The following RAB31 variants were observed in gnomAD, a reference collection of about 807,000 sequenced individuals.
RAB31 encodes RAB31, member RAS oncogene family.
RAB31 carries 21 observed loss-of-function variants against 25.6 expected under a neutral mutation model. That is an observed-to-expected ratio of 0.82 (90% confidence interval 0.58 to 1.18). RAB31 has a LOEUF of 1.18. RAB31 is among the 50% of genes most tolerant of loss of function. The probability of loss-of-function intolerance (pLI) is 0.00; values close to 1 mark genes in which losing one functional copy is unlikely to be tolerated. For missense variants in RAB31, 196 were observed against 250.1 expected, an observed-to-expected ratio of 0.78 and a Z score of 1.46; for synonymous variants, 87 against 84.0, an observed-to-expected ratio of 1.04 and a Z score of -0.20.
intron 3 of RAB31, among the ~76,000 whole-genome samples, chr18:9,804,946 A>T (rs2068532503): frequency 6.6e-6 from 1 of 151,934 alleles, no homozygotes; most frequent in South Asian, 2.1e-4. Context: ...ACACAGATAG[A>T]CTCCCTTAGA....
At chr18:9,804,621 A>G (rs1319657058) in intron 3 of RAB31, among the ~76,000 whole-genome samples, 2 of 152,212 alleles carry the variant, frequency 1.3e-5, no homozygotes, top group Non-Finnish European at 2.9e-5. Context: ...ATACAGTAGA[A>G]AAGCCCTATA....
chr18:9,709,022 G>A (rs1035697974), intron 1 of RAB31, among the ~76,000 whole-genome samples: 4 of 152,226 alleles, frequency 2.6e-5, no homozygotes, highest in African/African-American at 9.6e-5. Flanking sequence ...GAAAGCCGAG[G>A]GCGCGGCCGG....
rs148471961 is a variant in RAB31 at position 9,732,218 on chromosome 18, A to G, written c.39+23774A>G. Among the ~76,000 whole-genome samples, 321 of 152,300 alleles carry G rather than the reference A, an allele frequency of 2.1e-3. 5 individuals carry two copies. Among genetic ancestry groups the G allele is most frequent in the African/African-American group, 7.4e-3 (309 of 41,580 alleles). The stretch of plus-strand genomic sequence containing the variant: ...TGCAGGTACCAGACCATCTTCGTCC[A>G]GGGGGACGTGGAGTCACACGCATGC... On this transcript the variant is annotated intron_variant, in intron 1 of 6. Transcript: ENST00000578921.
intron 2 of RAB31, among the ~76,000 whole-genome samples, chr18:9,790,575 TCCAGC>T: frequency 6.6e-6 from 1 of 152,258 alleles, no homozygotes; most frequent in East Asian, 1.9e-4. Context: ...TAATCTGGGA[TCCAGC>T]CAAGGTTCAT....
chr18:9,743,965 G>A (rs1392544707), intron 1 of RAB31, among the ~76,000 whole-genome samples: 1 of 152,190 alleles, frequency 6.6e-6, no homozygotes, highest in African/African-American at 2.4e-5. Flanking sequence ...TCCTCTATAT[G>A]ACCCTGTAGG....
intron 5 of RAB31, among the ~76,000 whole-genome samples, chr18:9,837,282 T>A (rs147213262): frequency 6.6e-6 from 1 of 152,154 alleles, no homozygotes; most frequent in Non-Finnish European, 1.5e-5. Flanking sequence ...CAGTAAATAG[T>A]GGTGGAATAA....
At chr18:9,818,347 G>A (rs1351235266) in intron 5 of RAB31, among the ~76,000 whole-genome samples, 2 of 152,134 alleles carry the variant, frequency 1.3e-5, no homozygotes, top group African/African-American at 2.4e-5. Flanking sequence ...TGTGAAGAAC[G>A]TCATGCCCAT....
Position 9,815,178 on chromosome 18 carries a change from T to C in RAB31, c.336T>C (p.Ile112=). 1 of 1,557,696 alleles carries C rather than the reference T, an allele frequency of 6.4e-7. No homozygotes were observed. The highest frequency in any genetic ancestry group is 1.2e-5 in the South Asian group (1 of 84,384). ...KELKEHGPEN[I]VMAIAGNKCD... ...TGAAAGAACATGGTCCAGAAAACATTGTAATGGCCATCGCTGGAAACAAGT... is the reference window on the plus strand; with the variant it reads ...TGAAAGAACATGGTCCAGAAAACATCGTAATGGCCATCGCTGGAAACAAGT... The change falls in exon 5 of 7, where the codon ATT becomes ATC. Residue 112 remains isoleucine, a synonymous_variant. Coordinates refer to ENST00000578921, the MANE Select transcript of RAB31 (RefSeq NM_006868.4).
At chr18:9,752,181 T>A (rs2068238507) in intron 1 of RAB31, among the ~76,000 whole-genome samples, 1 of 152,198 alleles carries the variant, frequency 6.6e-6, no homozygotes, top group Non-Finnish European at 1.5e-5. Flanking sequence ...CGTGCTTGCA[T>A]TGACTGATTA....
intron 1 of RAB31, among the ~76,000 whole-genome samples, chr18:9,723,130 C>G (rs1377628976): frequency 6.6e-6 from 1 of 152,162 alleles, no homozygotes; most frequent in East Asian, 1.9e-4. Flanking sequence ...TCACTGCAAC[C>G]TCTGCCTCCC....
chr18:9,822,418 T>C (rs2068628572), intron 5 of RAB31, among the ~76,000 whole-genome samples: 1 of 152,190 alleles, frequency 6.6e-6, no homozygotes, highest in South Asian at 2.1e-4. Flanking sequence ...CTTAGACTTA[T>C]CATTAAAAGC....
intron 2 of RAB31, among the ~76,000 whole-genome samples, chr18:9,777,063 C>T (rs1352920267): frequency 1.3e-5 from 2 of 152,144 alleles, no homozygotes; most frequent in African/African-American, 2.4e-5. Flanking sequence ...ATATATCCAC[C>T]GGAAGCGGTG....
chr18:9,836,371 G>A (rs1437032266), intron 5 of RAB31, among the ~76,000 whole-genome samples: 1 of 152,158 alleles, frequency 6.6e-6, no homozygotes, highest in Non-Finnish European at 1.5e-5. Context: ...AAGCGCTAAT[G>A]AGTCCACTCT....
chr18:9,853,090 T>C (rs1419170537), intron 6 of RAB31, among the ~76,000 whole-genome samples: 1 of 152,206 alleles, frequency 6.6e-6, no homozygotes, highest in Non-Finnish European at 1.5e-5. Context: ...TTCTTATTGT[T>C]GAGTTCTAAA....
At chr18:9,738,740 G>C (rs2145470364) in intron 1 of RAB31, among the ~76,000 whole-genome samples, 1 of 152,306 alleles carries the variant, frequency 6.6e-6, no homozygotes, top group African/African-American at 2.4e-5. Context: ...CTGAGGAAGT[G>C]GTCATGGGAA....
intron 3 of RAB31, among the ~76,000 whole-genome samples, chr18:9,811,688 G>A (rs1043783811): frequency 7.2e-5 from 11 of 152,082 alleles, no homozygotes; most frequent in African/African-American, 1.9e-4. Context: ...GAGGAACCTC[G>A]TGTTATTCCT....
In RAB31 at chr18:9,860,885, A is replaced by G. The variant is rs1166544742; in HGVS notation, c.*1560A>G. 2.6e-5 allele frequency: 4 copies of G among 152,208 alleles called. No individual in the cohort carries two copies. The highest frequency in any genetic ancestry group is 5.9e-5 in the Non-Finnish European group (4 of 68,038). 9.4% of individuals were successfully genotyped at this position (152,208 alleles called of 1,614,324 possible). On this transcript the variant is annotated 3_prime_UTR_variant, in exon 7 of 7. Transcript: ENST00000578921. ...TCACTCAACTTAAGAGAGTTCATTG[A>G]CAGTGTTAGGATGTGAAGGCTGGGA...
intron 1 of RAB31, among the ~76,000 whole-genome samples, chr18:9,742,491 T>A (rs1310079458): frequency 6.6e-6 from 1 of 152,228 alleles, no homozygotes; most frequent in Non-Finnish European, 1.5e-5. Context: ...TGGCTCGGCC[T>A]GTTTCCACGC....
intron 6 of RAB31, among the ~76,000 whole-genome samples, chr18:9,855,020 A>G (rs1402964354): frequency 6.6e-6 from 1 of 152,240 alleles, no homozygotes; most frequent in South Asian, 2.1e-4. Flanking sequence ...TGGAATGGTT[A>G]GCGGGAGAAT....
Sources: gnomAD v4.1 joint callset for allele counts (sites outside exome capture counted in the v4.1 genomes callset) on GRCh38, gnomAD v4.1.1 for gene constraint, MANE v1.5 for transcripts, NCBI Gene and HGNC (gene_info 2026-07-23, HGNC 2026-07-21) for gene names.